GABRB2: variants seen among roughly 807,000 people sequenced by gnomAD.
GABRB2 encodes gamma-aminobutyric acid receptor subunit beta-2.
GABRB2 carries 16 observed loss-of-function variants against 54.7 expected under a neutral mutation model. The ratio of observed to expected loss-of-function variants is 0.29; its 90% confidence interval spans 0.20 to 0.44. GABRB2 has a LOEUF of 0.44. Ranked by LOEUF, GABRB2 falls within the 20% of genes least tolerant of loss-of-function variation. GABRB2 has a pLI of 1.00. For synonymous variants in GABRB2, 244 were observed against 233.8 expected, an observed-to-expected ratio of 1.04 and a Z score of -0.40; for missense variants, 355 against 644.0, an observed-to-expected ratio of 0.55 and a Z score of 4.86.
At chr5:161,362,591 C>A (rs1200190957) in intron 5 of GABRB2, among the ~76,000 whole-genome samples, 1 of 151,916 alleles carries the variant, frequency 6.6e-6, no homozygotes, top group Non-Finnish European at 1.5e-5. Flanking sequence ...AGTGAACAGG[C>A]AACCTACAGA....
intron 3 of GABRB2, among the ~76,000 whole-genome samples, chr5:161,494,260 A>T (rs1759162475): frequency 6.6e-6 from 1 of 151,852 alleles, no homozygotes; most frequent in African/African-American, 2.4e-5. Flanking sequence ...ATTTAGAAAG[A>T]TACCCAAAAA....
Position 161,420,968 on chromosome 5 carries a change from C to T in GABRB2, c.459-9911G>A, listed in dbSNP as rs534914551. Among the ~76,000 whole-genome samples, 3 of 152,240 alleles carry T rather than the reference C, an allele frequency of 2.0e-5. No homozygotes were observed. The East Asian group carries it at 5.8e-4, about 29-fold the overall frequency. On this transcript the variant is annotated intron_variant, in intron 4 of 9. Transcript: ENST00000393959. The stretch of plus-strand genomic sequence containing the variant: ...CTTAAATGAACTTCCTCCTTTCTAT[C>T]ATTTTGATGTCAGCTCATCATAACC...
chr5:161,363,538 A>T (rs978187067), intron 5 of GABRB2, among the ~76,000 whole-genome samples: 13 of 145,224 alleles, frequency 9.0e-5, no homozygotes, highest in Non-Finnish European at 1.9e-4. Context: ...AAAAAAATTA[A>T]TTTTTTTAAA....
chr5:161,513,068 C>A lies in GABRB2; in HGVS notation c.237+32159G>T, dbSNP rs868437592. 8.3e-3 allele frequency among the ~76,000 whole-genome samples: 1,221 copies of A among 147,098 alleles called. 17 individuals carry two copies. Among genetic ancestry groups the A allele is most frequent in the African/African-American group, 0.028 (1,117 of 39,634 alleles). ...TAAAAAGAAAAAAGAAAAAAAAAAA[C>A]AAAAAAACAAGAGATGCTGGTGGGG... On this transcript the variant is annotated intron_variant, in intron 3 of 9. Transcript: ENST00000393959.
chr5:161,513,122 T>A (rs944618359), intron 3 of GABRB2, among the ~76,000 whole-genome samples: 3 of 150,450 alleles, frequency 2.0e-5, no homozygotes, highest in Admixed American at 6.6e-5. Flanking sequence ...GCTTACACAC[T>A]GTTGGTGGGA....
At chr5:161,316,521 T>C (rs2113373096) in intron 9 of GABRB2, among the ~76,000 whole-genome samples, 1 of 152,280 alleles carries the variant, frequency 6.6e-6, no homozygotes, top group South Asian at 2.1e-4. Context: ...TATTTTTACT[T>C]TCCTTCCTCC....
At chr5:161,446,895 A>T (rs1327565182) in intron 4 of GABRB2, among the ~76,000 whole-genome samples, 1 of 151,854 alleles carries the variant, frequency 6.6e-6, no homozygotes, top group African/African-American at 2.4e-5. Flanking sequence ...TGGATGTGTC[A>T]TTTATCTTCC....
intron 5 of GABRB2, among the ~76,000 whole-genome samples, chr5:161,366,149 A>C (rs536732896): frequency 2.4e-4 from 36 of 151,824 alleles, no homozygotes; most frequent in Non-Finnish European, 4.6e-4. Context: ...TGTTATAAAA[A>C]GTAACCTAGA....
At chr5:161,326,555 A>G in intron 8 of GABRB2, 74 bp from the exon 9 acceptor site, 1 of 1,502,374 alleles carries the variant, frequency 6.7e-7, no homozygotes, top group South Asian at 1.3e-5. Flanking sequence ...GTTAAAGTAA[A>G]TTGGATATAG....
At chr5:161,337,541 C>T (rs777660943) in intron 5 of GABRB2, among the ~76,000 whole-genome samples, 46 of 152,040 alleles carry the variant, frequency 3.0e-4, no homozygotes, top group Non-Finnish European at 5.0e-4. Context: ...ACCTACTATG[C>T]ATATCAGGGC....
chr5:161,477,740 T>C (rs989562896), intron 3 of GABRB2, among the ~76,000 whole-genome samples: 1 of 151,978 alleles, frequency 6.6e-6, no homozygotes, highest in Non-Finnish European at 1.5e-5. Flanking sequence ...TCCACTTGTA[T>C]GATGTATCTA....
intron 5 of GABRB2, among the ~76,000 whole-genome samples, chr5:161,398,411 A>G (rs1295132802): frequency 6.6e-6 from 1 of 152,234 alleles, no homozygotes; most frequent in East Asian, 1.9e-4. Context: ...CTTTGGCTAA[A>G]TTAAACTGAT....
intron 3 of GABRB2, among the ~76,000 whole-genome samples, chr5:161,481,637 G>A (rs1758765441): frequency 6.6e-6 from 1 of 151,972 alleles, no homozygotes; most frequent in Non-Finnish European, 1.5e-5. Flanking sequence ...ATAGTATACA[G>A]TTCATTCCAT....
chr5:161,428,783 G>A (rs1259994645), intron 4 of GABRB2, among the ~76,000 whole-genome samples: 1 of 151,992 alleles, frequency 6.6e-6, no homozygotes, highest in Non-Finnish European at 1.5e-5. Context: ...CTCAGATACA[G>A]GATAAACTAA....
At chr5:161,505,583 T>C (rs1052393401) in intron 3 of GABRB2, among the ~76,000 whole-genome samples, 1 of 152,120 alleles carries the variant, frequency 6.6e-6, no homozygotes, top group Non-Finnish European at 1.5e-5. Context: ...GTTAAAAGGG[T>C]AATAGAGCAC....
At chr5:161,457,472 G>T (rs933067456) in intron 4 of GABRB2, among the ~76,000 whole-genome samples, 1 of 146,266 alleles carries the variant, frequency 6.8e-6, no homozygotes, top group Non-Finnish European at 1.5e-5. Context: ...TTGAGATGGA[G>T]TCTTGCCATG....
At chr5:161,443,575 T>A (rs530325882) in intron 4 of GABRB2, among the ~76,000 whole-genome samples, 10 of 152,342 alleles carry the variant, frequency 6.6e-5, no homozygotes, top group African/African-American at 2.4e-4. Flanking sequence ...CAAATCAGAA[T>A]CTCTGATAAT....
At chr5:161,330,737 A>C in intron 8 of GABRB2, 146 bp downstream of exon 8, 2 of 1,147,344 alleles carry the variant, frequency 1.7e-6, no homozygotes, top group Non-Finnish European at 2.5e-6. Flanking sequence ...TGCTTCCATC[A>C]TTAATTGTTT....
chr5:161,465,128 A>G (rs1393481114), intron 3 of GABRB2, among the ~76,000 whole-genome samples: 1 of 152,102 alleles, frequency 6.6e-6, no homozygotes, highest in African/African-American at 2.4e-5. Flanking sequence ...CAGTATGTTT[A>G]TGTTCCTCTG....
Sources: allele counts gnomAD v4.1 joint callset (sites outside exome capture counted in the v4.1 genomes callset), GRCh38; gene constraint gnomAD v4.1.1; transcripts MANE v1.5; gene names NCBI Gene and HGNC (gene_info 2026-07-23, HGNC 2026-07-21).